The following NEBL variants were observed in gnomAD, a reference collection of about 807,000 sequenced individuals.
The protein encoded by NEBL is LIM and SH3 protein 2.
In NEBL, 122 loss-of-function variants were observed where a neutral mutation model predicts 140.2. The ratio of observed to expected loss-of-function variants is 0.87; its 90% CI spans 0.75 to 1.01. NEBL has a LOEUF of 1.01. Ranked by LOEUF, NEBL falls within the 50% of genes least tolerant of loss-of-function variation. The pLI is 0.00. For missense variants in NEBL, 1,365 were observed against 1,231.3 expected (o/e 1.11, Z -1.62); for synonymous variants, 436 against 398.9 (o/e 1.09, Z -1.11).
chr10:20,901,043 T>A (rs1847849492), upstream of NEBL, among the ~76,000 whole-genome samples: 1 of 151,764 alleles, frequency 6.6e-6, no homozygotes, highest in Non-Finnish European at 1.5e-5. Context: ...AAAAAGCACC[T>A]TAAAAATAGT....
At chr10:21,231,097 G>T (rs1216405592) in intron 3 of NEBL, among the ~76,000 whole-genome samples, 1 of 152,232 alleles carries the variant, frequency 6.6e-6, no homozygotes, top group South Asian at 2.1e-4. Flanking sequence ...GACACAAGTT[G>T]ATGTATTCAT....
rs546475158 is a variant in NEBL at position 20,959,535 on chromosome 10, G to A, written c.357+2137C>T. On this transcript the variant is annotated intron_variant, in intron 4 of 6. Coordinates refer to the NEBL transcript ENST00000417816. ...GTTTCTTATAGAAAAAGATCCTTGA[G>A]TAATATGGAAAACCTAGTGAGGTAA... Among the ~76,000 whole-genome samples the A allele has an allele frequency of 3.9e-5, 6 of 152,238 alleles. No homozygotes were observed. In the South Asian group the frequency reaches 1.2e-3, roughly 32 times the overall value.
At chr10:21,121,532 T>C (rs1330620050) in intron 2 of NEBL, among the ~76,000 whole-genome samples, 1 of 152,220 alleles carries the variant, frequency 6.6e-6, no homozygotes, top group Non-Finnish European at 1.5e-5. Context: ...AATCAATGTA[T>C]GCCTATCACG....
intron 2 of NEBL, 23 bp from the exon 3 acceptor site, chr10:20,889,972 TAAG>T (rs1272198269): frequency 6.8e-7 from 1 of 1,465,172 alleles, no homozygotes; most frequent in Admixed American, 1.8e-5. Flanking sequence ...ATGATTTACA[TAAG>T]AAGAGAAAAA....
At chr10:21,122,000 C>CTGG (rs981443255) in intron 2 of NEBL, among the ~76,000 whole-genome samples, 9 of 126,840 alleles carry the variant, frequency 7.1e-5, no homozygotes, top group South Asian at 5.3e-4. Flanking sequence ...GGGATTTCTC[C>CTGG]TGGTTGTTGT....
intron 2 of NEBL, among the ~76,000 whole-genome samples, chr10:21,036,196 C>T (rs1201423749): frequency 6.6e-6 from 1 of 152,020 alleles, no homozygotes; most frequent in African/African-American, 2.4e-5. Context: ...CACAGTGGCT[C>T]ATGCCTAAAA....
intron 1 of NEBL, among the ~76,000 whole-genome samples, chr10:21,257,431 G>A (rs1412711668): frequency 3.9e-5 from 6 of 152,146 alleles, no homozygotes; most frequent in Non-Finnish European, 1.5e-5. Context: ...ATCTTACAGC[G>A]TTCTCCTGAG....
chr10:20,978,121 ATAGATG>A (rs774197050), intron 3 of NEBL, among the ~76,000 whole-genome samples: 2 of 152,200 alleles, frequency 1.3e-5, no homozygotes, highest in Non-Finnish European at 2.9e-5. Context: ...GATATGAAAA[ATAGATG>A]TAGTCAGCTA....
chr10:20,798,351 C>T (rs1469409126), intron 26 of NEBL, among the ~76,000 whole-genome samples: 1 of 152,076 alleles, frequency 6.6e-6, no homozygotes, highest in East Asian at 1.9e-4. Context: ...AACCTACACG[C>T]CTAGGGCTTA....
In NEBL at chr10:20,815,765, A is replaced by T. The variant is rs4748727; in HGVS notation, c.2149-48T>A. On this transcript the variant is annotated intron_variant, in intron 21 of 27. Coordinates refer to ENST00000377122, the MANE Select transcript of NEBL (RefSeq NM_006393.3). The stretch of plus-strand genomic sequence containing the variant: ...ATAGAATACTATGAATCAATTCAAC[A>T]AAGAGACTTATTTATTTATTTAAGA... 0.42 allele frequency: 518,321 copies of T among 1,248,612 alleles called. 114,224 individuals carry two copies. Among genetic ancestry groups the T allele is most frequent in the African/African-American group, 0.68 (45,505 of 67,410 alleles). 77.3% of individuals were successfully genotyped at this position (1,248,612 alleles called of 1,614,324 possible).
chr10:21,256,628 C>A (rs1298252305), intron 1 of NEBL, among the ~76,000 whole-genome samples: 1 of 152,072 alleles, frequency 6.6e-6, no homozygotes, highest in African/African-American at 2.4e-5. Context: ...GCCAGGAGTT[C>A]GAGACCAGCC....
intron 2 of NEBL, among the ~76,000 whole-genome samples, chr10:21,022,535 T>C (rs1838840516): frequency 6.6e-6 from 1 of 152,248 alleles, no homozygotes; most frequent in Non-Finnish European, 1.5e-5. Context: ...TATAAGCCAA[T>C]GTTCCAGGTA....
At chr10:20,880,393 A>G (rs528372063) in intron 5 of NEBL, among the ~76,000 whole-genome samples, 8 of 152,216 alleles carry the variant, frequency 5.3e-5, no homozygotes, top group African/African-American at 1.9e-4. Context: ...TAGTGGGTAC[A>G]ATATAGCTGG....
At chr10:20,868,440 A>T in intron 7 of NEBL, 1 of 521,898 alleles carries the variant, frequency 1.9e-6, no homozygotes, top group Non-Finnish European at 3.4e-6. Context: ...GTTCAGATTT[A>T]TGCCTGGAGA....
At chr10:20,863,292 G>T (rs17797263) in intron 7 of NEBL, among the ~76,000 whole-genome samples, 1 of 152,042 alleles carries the variant, frequency 6.6e-6, no homozygotes, top group South Asian at 2.1e-4. Flanking sequence ...ACTCAGAATC[G>T]CAAAAAGCCA....
intron 3 of NEBL, among the ~76,000 whole-genome samples, chr10:21,244,228 C>G (rs2035433): frequency 1.3e-5 from 2 of 152,032 alleles, no homozygotes; most frequent in South Asian, 2.1e-4. Context: ...CAGTGTGGCC[C>G]GATCTTGGCT....
At chr10:20,810,641 T>G (rs1032884364) in intron 24 of NEBL, among the ~76,000 whole-genome samples, 1 of 152,226 alleles carries the variant, frequency 6.6e-6, no homozygotes, top group Non-Finnish European at 1.5e-5. Context: ...TCTCCTCTTA[T>G]TTTAATAACT....
chr10:21,109,483 G>A (rs575891417), intron 2 of NEBL, among the ~76,000 whole-genome samples: 1 of 152,144 alleles, frequency 6.6e-6, no homozygotes, highest in Non-Finnish European at 1.5e-5. Flanking sequence ...GTCTCTGCCA[G>A]GTTTTGGTGT....
intron 3 of NEBL, among the ~76,000 whole-genome samples, chr10:21,233,856 A>ATGCATATATATG (rs1321034593): frequency 3.5e-5 from 4 of 114,184 alleles, no homozygotes; most frequent in Non-Finnish European, 8.3e-5. Flanking sequence ...TTACATATAT[A>ATGCATATATATG]GATATATATT....
Sources: gnomAD v4.1 joint callset for allele counts (sites outside exome capture counted in the v4.1 genomes callset) on GRCh38, gnomAD v4.1.1 for gene constraint, MANE v1.5 for transcripts, NCBI Gene and HGNC (gene_info 2026-07-23, HGNC 2026-07-21) for gene names.